The following MRTFB variants were observed in gnomAD, a reference collection of about 807,000 sequenced individuals.
The protein encoded by MRTFB is myocardin-related transcription factor B.
In MRTFB, 29 loss-of-function variants were observed where a neutral mutation model predicts 104.2. That is an observed-to-expected ratio of 0.28 (90% CI 0.21 to 0.38). MRTFB has a LOEUF of 0.38. Among genes scored for constraint, MRTFB ranks in the 10% least tolerant of loss-of-function variants. The probability of loss-of-function intolerance (pLI) is 1.00; values close to 1 mark genes in which losing one functional copy is unlikely to be tolerated. For synonymous variants in MRTFB, 535 were observed against 519.5 expected (o/e 1.03, Z -0.41); for missense variants, 1,270 against 1,341.6 (o/e 0.95, Z 0.83).
chr16:14,160,009 GAATA>G (rs1361091050), intron 3 of MRTFB, among the ~76,000 whole-genome samples: 1 of 145,544 alleles, frequency 6.9e-6, no homozygotes, highest in Admixed American at 6.8e-5. Flanking sequence ...GCATCTTTAA[GAATA>G]AATACATTCT....
the MRTFB span, among the ~76,000 whole-genome samples, chr16:14,017,701 ATATATATATATTTT>A: frequency 6.5e-5 from 2 of 30,882 alleles, no homozygotes; most frequent in Non-Finnish European, 1.7e-4. Flanking sequence ...ATATATATAT[ATATATATATATTTT>A]TTTTTTTTTT....
chr16:14,234,394 G>T (rs1256935231), intron 9 of MRTFB, 111 bp downstream of exon 9: 6 of 1,301,410 alleles, frequency 4.6e-6, no homozygotes, highest in Middle Eastern at 1.9e-4. Flanking sequence ...CTGCCTTTTA[G>T]CCCAAAGTCT....
At chr16:14,195,688 C>T in intron 3 of MRTFB, 1 of 414,254 alleles carries the variant, frequency 2.4e-6, no homozygotes, top group Non-Finnish European at 3.2e-6. Context: ...AACATGAGAA[C>T]ATTCTATACA....
At chr16:14,012,525 C>G in the MRTFB span, among the ~76,000 whole-genome samples, 1 of 152,058 alleles carries the variant, frequency 6.6e-6, no homozygotes, top group Non-Finnish European at 1.5e-5. Flanking sequence ...GTCTCGATCT[C>G]CTGACCTCGA....
chr16:14,022,324 G>C, the MRTFB span, among the ~76,000 whole-genome samples: 1 of 152,206 alleles, frequency 6.6e-6, no homozygotes, highest in African/African-American at 2.4e-5. Flanking sequence ...CTGCAGAGGA[G>C]ATAGGAGCCA....
chr16:14,180,105 A>G (rs114662768), intron 3 of MRTFB, among the ~76,000 whole-genome samples: 116 of 152,346 alleles, frequency 7.6e-4, no homozygotes, highest in African/African-American at 2.7e-3. Context: ...GAACATTCTA[A>G]TAAGAGTAAA....
rs893414048 is a variant in MRTFB, at chr16:14,262,234, T to C, written c.*790T>C. 1.1e-4 allele frequency: 17 copies of C among 152,370 alleles called. No homozygotes were observed. The highest frequency in any genetic ancestry group is 3.8e-4 in the African/African-American group (16 of 41,592). The allele number at this position is 152,370 out of a possible 1,614,324, so 9.4% of individuals were successfully genotyped here. A position where few individuals can be genotyped will look rare whatever the true frequency, so the allele number is the denominator to read the frequency against. On this transcript the variant is annotated 3_prime_UTR_variant, in exon 17 of 17. Transcript: ENST00000571589. ...TGTATATATTAGACATTTGTATGTA[T>C]GCTCTGACATTGTGATTTGTACAGC... is the stretch of plus-strand genomic sequence containing the variant.
the MRTFB span, among the ~76,000 whole-genome samples, chr16:14,061,542 T>C: frequency 6.6e-6 from 1 of 152,052 alleles, no homozygotes; most frequent in African/African-American, 2.4e-5. Flanking sequence ...GTCTTTTTTT[T>C]TTTTCGGTCT....
At chr16:14,210,421 A>G (rs2041142699) in intron 4 of MRTFB, 113 bp downstream of exon 4, 2 of 744,332 alleles carry the variant, frequency 2.7e-6, no homozygotes, top group Non-Finnish European at 4.3e-6. Flanking sequence ...TCAACAAACA[A>G]TTACCAAATG....
the MRTFB span, among the ~76,000 whole-genome samples, chr16:13,996,125 A>G: frequency 6.6e-6 from 1 of 152,232 alleles, no homozygotes; most frequent in East Asian, 1.9e-4. Context: ...TACAAAAATT[A>G]GCCAGGCATG....
intron 2 of MRTFB, among the ~76,000 whole-genome samples, chr16:14,123,963 C>A (rs1264527006): frequency 1.3e-5 from 2 of 152,140 alleles, no homozygotes; most frequent in Middle Eastern, 3.2e-3. Flanking sequence ...GTTTCTAGTT[C>A]TCCTTGAAGA....
chr16:14,182,256 A>G (rs2039795452), intron 3 of MRTFB, among the ~76,000 whole-genome samples: 1 of 152,182 alleles, frequency 6.6e-6, no homozygotes, highest in Non-Finnish European at 1.5e-5. Context: ...AGGGGGAGGC[A>G]GGCCAGTGTA....
At chr16:14,029,656 G>C in the MRTFB span, among the ~76,000 whole-genome samples, 7 of 152,046 alleles carry the variant, frequency 4.6e-5, no homozygotes, top group African/African-American at 1.7e-4. Context: ...CATCGTCACT[G>C]TGTACGCACA....
At chr16:14,142,884 A>G (rs2038083435) in intron 3 of MRTFB, 1 of 152,210 alleles carries the variant, frequency 6.6e-6, no homozygotes, top group African/African-American at 2.4e-5. Context: ...TTCTAAGGAA[A>G]TAGATTAAAT....
At chr16:14,014,742 C>T in the MRTFB span, among the ~76,000 whole-genome samples, 78 of 152,164 alleles carry the variant, frequency 5.1e-4, no homozygotes, top group Middle Eastern at 3.4e-3. Context: ...GTGGTGGGTG[C>T]CTGTAATCCC....
At chr16:14,014,438 C>A in the MRTFB span, among the ~76,000 whole-genome samples, 765 of 152,228 alleles carry the variant, frequency 5.0e-3, 6 homozygotes, top group African/African-American at 0.017. Context: ...CGCCTACAGT[C>A]CCAGCTATTT....
At chr16:14,258,216 C>A (rs1036831186) in intron 16 of MRTFB, 55 bp downstream of exon 16, 3 of 1,468,026 alleles carry the variant, frequency 2.0e-6, no homozygotes, top group South Asian at 1.2e-5. Context: ...AACCCAAGTT[C>A]ATGAAAGTTT....
intron 3 of MRTFB, among the ~76,000 whole-genome samples, chr16:14,196,250 G>A (rs541319063): frequency 6.6e-6 from 1 of 152,240 alleles, no homozygotes; most frequent in South Asian, 2.1e-4. Context: ...AAAGCTGAGT[G>A]TTGAAACATT....
At position 14,263,170 on chromosome 16, in the gene MRTFB, G is replaced by A. The variant is rs1201297493; in HGVS notation, c.*1726G>A. On this transcript the variant is annotated 3_prime_UTR_variant, in exon 17 of 17. Coordinates refer to ENST00000571589, the MANE Select transcript of MRTFB (RefSeq NM_001308142.2). ...TGCCTTCCAGACGGTTCAAGGCAGA[G>A]GCCACTGTGCTCAGTGTAGTCTGTG... 3 of 152,266 alleles carry A rather than the reference G, an allele frequency of 2.0e-5. No individual in the cohort carries two copies. The highest frequency in any genetic ancestry group is 7.2e-5 in the African/African-American group (3 of 41,458). The allele number at this position is 152,266 out of a possible 1,614,324, so 9.4% of individuals were successfully genotyped here. A position where few individuals can be genotyped will look rare whatever the true frequency, so the allele number is the denominator to read the frequency against.
Sources: gnomAD v4.1 joint callset for allele counts (sites outside exome capture counted in the v4.1 genomes callset) on GRCh38, gnomAD v4.1.1 for gene constraint, MANE v1.5 for transcripts, NCBI Gene and HGNC (gene_info 2026-07-23, HGNC 2026-07-21) for gene names.